Variants in MPPED2 observed in about 807,000 individuals in gnomAD.
MPPED2 encodes metallophosphoesterase MPPED2.
A neutral mutation model predicts 33.0 loss-of-function variants in MPPED2; 5 were observed. That is an observed-to-expected ratio of 0.15 (90% CI 0.08 to 0.32). The LOEUF is 0.32. Ranked by LOEUF, MPPED2 falls within the 10% of genes least tolerant of loss-of-function variation. The probability of loss-of-function intolerance (pLI) is 1.00; values close to 1 mark genes in which losing one functional copy is unlikely to be tolerated. For synonymous variants in MPPED2, 136 were observed against 141.9 expected (o/e 0.96, Z 0.29); for missense variants, 275 against 372.1 (o/e 0.74, Z 2.15).
At chr11:30,500,744 C>A (rs498322) in intron 3 of MPPED2, among the ~76,000 whole-genome samples, 13,537 of 152,260 alleles carry the variant, frequency 0.089, 765 homozygotes, top group African/African-American at 0.15. Flanking sequence ...GACTTGAAGA[C>A]ATGGATCATG....
chr11:30,438,807 C>T (rs756287785), intron 4 of MPPED2, among the ~76,000 whole-genome samples: 8 of 152,234 alleles, frequency 5.3e-5, no homozygotes, highest in Non-Finnish European at 1.0e-4. Context: ...CTCTAAATCT[C>T]AGAGCACAGC....
In MPPED2 at chr11:30,580,248, A is replaced by C; in HGVS notation, c.126T>G (p.His42Gln). The change falls in exon 2 of 7, where the codon CAT (histidine) becomes CAG (glutamine). Residue 42 changes from histidine to glutamine, a missense_variant and splice_region_variant. By Grantham distance (24) the His-to-Gln change is conservative. Coordinates refer to ENST00000358117, the MANE Select transcript of MPPED2 (RefSeq NM_001584.3). ...NQSRFQPPHV[H>Q]MVDPIPYDTP... is the part of the protein sequence containing the mutation. ...TTAAGTTCATAAGCGATACTTACAT[A>C]TGTACATGTGGAGGCTGGAATCTGC... 1 of 1,613,562 alleles carries C rather than the reference A, an allele frequency of 6.2e-7. No homozygotes were observed. The highest frequency in any genetic ancestry group is 8.5e-7 in the Non-Finnish European group (1 of 1,179,760).
At chr11:30,394,385 T>G (rs1255632631) in intron 6 of MPPED2, among the ~76,000 whole-genome samples, 2 of 152,206 alleles carry the variant, frequency 1.3e-5, no homozygotes, top group African/African-American at 4.8e-5. Context: ...TTCATTTCTA[T>G]AAGTAATGCA....
rs530467736 is a variant in MPPED2, at chr11:30,464,089, A to T, written c.536+31207T>A. On this transcript the variant is annotated intron_variant, in intron 4 of 6. Transcript: ENST00000358117. ...ATCGACATATATCTATGATACCTTA[A>T]TAACAATGTAAATATTATCCTAACA... Among the ~76,000 whole-genome samples the T allele has an allele frequency of 7.9e-5, 12 of 152,296 alleles. No individual in the cohort carries two copies. In the East Asian group the frequency reaches 1.7e-3, roughly 22 times the overall value.
intron 6 of MPPED2, among the ~76,000 whole-genome samples, chr11:30,398,691 A>T (rs2133704940): frequency 6.6e-6 from 1 of 152,284 alleles, no homozygotes; most frequent in Non-Finnish European, 1.5e-5. Context: ...AGTTCCTTGC[A>T]ATCAAACATC....
chr11:30,501,889 G>A (rs1337062979), intron 3 of MPPED2, among the ~76,000 whole-genome samples: 2 of 152,118 alleles, frequency 1.3e-5, no homozygotes, highest in Non-Finnish European at 2.9e-5. Flanking sequence ...CACAACACAT[G>A]AACCCCTAAG....
At chr11:30,548,673 C>T (rs1422437987) in intron 2 of MPPED2, among the ~76,000 whole-genome samples, 2 of 151,512 alleles carry the variant, frequency 1.3e-5, no homozygotes, top group Non-Finnish European at 2.9e-5. Context: ...TGCATTTTAC[C>T]TGGGACTTGA....
chr11:30,544,080 T>C (rs1955280870), intron 2 of MPPED2, among the ~76,000 whole-genome samples: 1 of 152,206 alleles, frequency 6.6e-6, no homozygotes, highest in Non-Finnish European at 1.5e-5. Context: ...CAATGAATGT[T>C]AAGTGGTAAC....
chr11:30,396,118 T>G (rs1404978804), intron 6 of MPPED2, among the ~76,000 whole-genome samples: 1 of 152,202 alleles, frequency 6.6e-6, no homozygotes, highest in Non-Finnish European at 1.5e-5. Context: ...GCTTTTGCTA[T>G]TCACAACAGA....
chr11:30,388,876 A>T, exon 7 of MPPED2: 1 of 1,551,164 alleles, frequency 6.4e-7, no homozygotes, highest in East Asian at 2.4e-5. Flanking sequence ...TGTCTATGCC[A>T]GTTTCCTCTA....
At chr11:30,397,705 C>T (rs575328910) in intron 6 of MPPED2, among the ~76,000 whole-genome samples, 300 of 152,240 alleles carry the variant, frequency 2.0e-3, no homozygotes, top group African/African-American at 6.9e-3. Context: ...TTATCACTCC[C>T]ATTTTAATGA....
In MPPED2 at chr11:30,458,577, T is replaced by C. The variant is rs534685050; in HGVS notation, c.536+36719A>G. 1.3e-4 allele frequency among the ~76,000 whole-genome samples: 20 copies of C among 152,316 alleles called. 1 individual carries two copies. In the South Asian group the frequency reaches 3.7e-3, roughly 28 times the overall value. On this transcript the variant is annotated intron_variant, in intron 4 of 6. Coordinates refer to ENST00000358117, the MANE Select transcript of MPPED2 (RefSeq NM_001584.3). ...ATTTTGGAGGAAAGAAACAGAAAGA[T>C]GTCCTCATCATCAAATTACACGGAG...
At chr11:30,459,747 A>G (rs573672644) in intron 4 of MPPED2, among the ~76,000 whole-genome samples, 1 of 152,334 alleles carries the variant, frequency 6.6e-6, no homozygotes, top group South Asian at 2.1e-4. Context: ...CAAACCTGCC[A>G]TATGTGTGGT....
At chr11:30,573,879 AG>A (rs1157954081) in intron 2 of MPPED2, among the ~76,000 whole-genome samples, 2 of 152,206 alleles carry the variant, frequency 1.3e-5, no homozygotes, top group East Asian at 3.8e-4. Flanking sequence ...AAAATAAAAA[AG>A]TTTGGTACAA....
In MPPED2 at chr11:30,427,918, T is replaced by C. The variant is rs571536433; in HGVS notation, c.537-10285A>G. Among the ~76,000 whole-genome samples, 3 of 152,304 alleles carry C rather than the reference T, an allele frequency of 2.0e-5. No homozygotes were observed. In the South Asian group the frequency reaches 6.2e-4, roughly 32 times the overall value. ...AACTCTCCAGATGGCTAAATGCAAGTGGAGCATGGATGGAAGAATTTGGAG... is the reference window on the plus strand; with the variant it reads ...AACTCTCCAGATGGCTAAATGCAAGCGGAGCATGGATGGAAGAATTTGGAG... On this transcript the variant is annotated intron_variant, in intron 4 of 6. Transcript: ENST00000358117.
At chr11:30,393,619 C>T (rs1299253094) in intron 6 of MPPED2, among the ~76,000 whole-genome samples, 2 of 152,128 alleles carry the variant, frequency 1.3e-5, no homozygotes, top group East Asian at 3.8e-4. Context: ...ACTTCATCCT[C>T]TGTGCCTAAA....
chr11:30,586,084 C>A lies in MPPED2; in HGVS notation c.-164G>T, dbSNP rs1301789707. ...CCGGATCCCGGGGATGCCTTCAGCG[C>A]CCGGCGAGCAGGCGATCCATAGCCG... On this transcript the variant is annotated 5_prime_UTR_variant, in exon 1 of 7. Coordinates refer to ENST00000358117, the MANE Select transcript of MPPED2 (RefSeq NM_001584.3). The surrounding 1 kb of genome is among the most constrained non-coding windows in gnomAD (Gnocchi z 4.8). 1 of 152,276 alleles carries A rather than the reference C, an allele frequency of 6.6e-6. No homozygotes were observed. The highest frequency in any genetic ancestry group is 1.5e-5 in the Non-Finnish European group (1 of 68,118). The allele number at this position is 152,276 out of a possible 1,614,324, so 9.4% of individuals were successfully genotyped here.
At chr11:30,504,844 T>G (rs1307117358) in intron 3 of MPPED2, 1 of 1,250,790 alleles carries the variant, frequency 8.0e-7, no homozygotes, top group South Asian at 1.2e-5. Context: ...CTAAGAAATA[T>G]TAAACACAGA....
chr11:30,447,854 G>A (rs898723732), intron 4 of MPPED2, among the ~76,000 whole-genome samples: 1 of 152,116 alleles, frequency 6.6e-6, no homozygotes, highest in Non-Finnish European at 1.5e-5. Context: ...AAGGATCCAC[G>A]AGACGTCACC....
Sources: gnomAD v4.1 joint callset for allele counts (sites outside exome capture counted in the v4.1 genomes callset) on GRCh38, gnomAD v4.1.1 for gene constraint, Gnocchi (gnomAD v3.1) non-coding constraint, MANE v1.5 for transcripts, NCBI Gene and HGNC (gene_info 2026-07-23, HGNC 2026-07-21) for gene names.